The following MARK1 variants were observed in gnomAD, a reference collection of about 807,000 sequenced individuals.
The protein encoded by MARK1 is serine/threonine-protein kinase MARK1.
A neutral mutation model predicts 96.3 loss-of-function variants in MARK1; 40 were observed. The ratio of observed to expected loss-of-function variants is 0.42; its 90% CI spans 0.32 to 0.54. MARK1 has a LOEUF of 0.54. MARK1 is among the 20% of genes least tolerant of loss of function. MARK1 has a pLI of 0.16. For synonymous variants in MARK1, 317 were observed against 341.2 expected, an observed-to-expected ratio of 0.93 and a Z score of 0.78; for missense variants, 719 against 984.6, an observed-to-expected ratio of 0.73 and a Z score of 3.61.
At chr1:220,613,747 A>C (rs1458719475) in intron 6 of MARK1, among the ~76,000 whole-genome samples, 1 of 152,138 alleles carries the variant, frequency 6.6e-6, no homozygotes. Flanking sequence ...TAATACTACA[A>C]ATTTTCATCA....
intron 1 of MARK1, among the ~76,000 whole-genome samples, chr1:220,566,328 A>G (rs186835112): frequency 3.2e-4 from 48 of 152,328 alleles, no homozygotes; most frequent in Admixed American, 2.6e-4. Context: ...CATTTAAGGC[A>G]TAAACCTATG....
At chr1:220,627,637 T>C in intron 9 of MARK1, 1 of 188,444 alleles carries the variant, frequency 5.3e-6, no homozygotes, top group Non-Finnish European at 1.1e-5. Flanking sequence ...TTCTAGGAGC[T>C]GCCTTGCCAC....
intron 1 of MARK1, among the ~76,000 whole-genome samples, chr1:220,570,981 T>A (rs1663412343): frequency 6.6e-6 from 1 of 152,202 alleles, no homozygotes; most frequent in South Asian, 2.1e-4. Flanking sequence ...ACTCATATTT[T>A]TGTGTTTTAT....
intron 3 of MARK1, among the ~76,000 whole-genome samples, chr1:220,584,995 T>A (rs1664501770): frequency 6.6e-6 from 1 of 152,196 alleles, no homozygotes. Flanking sequence ...ATTTGGCCAG[T>A]TCTTACGTGG....
chr1:220,659,854 G>A (rs775243068), intron 17 of MARK1, among the ~76,000 whole-genome samples: 8 of 151,928 alleles, frequency 5.3e-5, no homozygotes, highest in African/African-American at 9.7e-5. Flanking sequence ...GCAGTGGCAC[G>A]ATCTCAGCTC....
At chr1:220,609,807 C>T (rs572279905) in intron 6 of MARK1, among the ~76,000 whole-genome samples, 2 of 152,230 alleles carry the variant, frequency 1.3e-5, no homozygotes, top group South Asian at 4.1e-4. Flanking sequence ...TTCTCCTTCA[C>T]TTATGAAGCT....
chr1:220,563,930 T>C (rs1455630817), intron 1 of MARK1, among the ~76,000 whole-genome samples: 1 of 152,226 alleles, frequency 6.6e-6, no homozygotes, highest in African/African-American at 2.4e-5. Context: ...TAATCCAGTT[T>C]ATATAGAGAG....
chr1:220,616,989 C>CT (rs2102966050), intron 7 of MARK1, among the ~76,000 whole-genome samples: 1 of 152,310 alleles, frequency 6.6e-6, no homozygotes, highest in East Asian at 1.9e-4. Context: ...CTCAGAACCC[C>CT]TTGCAGCTCT....
At chr1:220,537,334 C>T (rs951073243) in intron 1 of MARK1, among the ~76,000 whole-genome samples, 36 of 147,152 alleles carry the variant, frequency 2.4e-4, no homozygotes, top group East Asian at 1.0e-3. Context: ...TGAGAACATG[C>T]GGTGTTTGGT....
At chr1:220,619,645 A>T (rs1282893159) in intron 9 of MARK1, among the ~76,000 whole-genome samples, 1 of 152,226 alleles carries the variant, frequency 6.6e-6, no homozygotes, top group African/African-American at 2.4e-5. Flanking sequence ...AGACACTATT[A>T]TAAATGGACT....
At chr1:220,621,323 T>C (rs949660954) in intron 9 of MARK1, among the ~76,000 whole-genome samples, 2 of 152,120 alleles carry the variant, frequency 1.3e-5, no homozygotes, top group African/African-American at 4.8e-5. Flanking sequence ...CCCTTTGGGA[T>C]ATATGTTTAG....
intron 1 of MARK1, among the ~76,000 whole-genome samples, chr1:220,569,693 A>T (rs1216412436): frequency 6.6e-6 from 1 of 152,142 alleles, no homozygotes; most frequent in East Asian, 1.9e-4. Flanking sequence ...TAAATTTCAC[A>T]CTAACATATC....
At chr1:220,642,862 C>T (rs1012628142) in intron 13 of MARK1, among the ~76,000 whole-genome samples, 9 of 152,102 alleles carry the variant, frequency 5.9e-5, no homozygotes, top group African/African-American at 2.2e-4. Context: ...AGCAGACCTG[C>T]GGAAGAGGGG....
At chr1:220,594,407 T>C (rs1194343654) in intron 3 of MARK1, among the ~76,000 whole-genome samples, 1 of 152,168 alleles carries the variant, frequency 6.6e-6, no homozygotes, top group Non-Finnish European at 1.5e-5. Flanking sequence ...ACAGGAACTC[T>C]CATTTGTTGC....
chr1:220,664,216 G>A lies in MARK1; in HGVS notation c.*2050G>A, dbSNP rs959174226. 3.9e-5 allele frequency: 6 copies of A among 152,048 alleles called. No homozygotes were observed. The highest frequency in any genetic ancestry group is 1.4e-4 in the African/African-American group (6 of 41,402). The allele number at this position is 152,048 out of a possible 1,614,324, so 9.4% of individuals were successfully genotyped here. A position where few individuals can be genotyped will look rare whatever the true frequency, so the allele number is the denominator to read the frequency against. On this transcript the variant is annotated 3_prime_UTR_variant, in exon 18 of 18. Coordinates refer to ENST00000366917, the MANE Select transcript of MARK1 (RefSeq NM_018650.5). ...GCCAACTCTTCTGTGTTTGTAGAAAGGAATTTGACTTCAATATCTTTTATG... is the reference window on the plus strand; with the variant it reads ...GCCAACTCTTCTGTGTTTGTAGAAAAGAATTTGACTTCAATATCTTTTATG...
At position 220,662,441 on chromosome 1, in the gene MARK1, T is replaced by C. The variant is rs993242544; in HGVS notation, c.*275T>C. On this transcript the variant is annotated 3_prime_UTR_variant, in exon 18 of 18. Coordinates refer to ENST00000366917, the MANE Select transcript of MARK1 (RefSeq NM_018650.5). The stretch of plus-strand genomic sequence containing the variant: ...GTTCATAGAGTTGTATAATAAAACA[T>C]GATTGCTTAAAAACTTGTATAGTTG... 1.0e-5 allele frequency: 3 copies of C among 300,654 alleles called. No homozygotes were observed. Among genetic ancestry groups the C allele is most frequent in the African/African-American group, 6.4e-5 (3 of 47,054 alleles). The allele number at this position is 300,654 out of a possible 1,614,324, so 18.6% of individuals were successfully genotyped here. A position where few individuals can be genotyped will look rare whatever the true frequency, so the allele number is the denominator to read the frequency against.
chr1:220,542,178 G>A (rs771237870), intron 1 of MARK1, among the ~76,000 whole-genome samples: 25 of 152,096 alleles, frequency 1.6e-4, no homozygotes, highest in Admixed American at 3.3e-4. Flanking sequence ...TCTTAAGCTT[G>A]TCTGCCTTTT....
At chr1:220,603,069 G>A (rs1407656096) in intron 5 of MARK1, among the ~76,000 whole-genome samples, 1 of 151,826 alleles carries the variant, frequency 6.6e-6, no homozygotes, top group African/African-American at 2.4e-5. Flanking sequence ...ACCAAAATTG[G>A]TCTGATTCTA....
chr1:220,612,104 A>G (rs1043092583), intron 6 of MARK1, among the ~76,000 whole-genome samples: 1 of 152,390 alleles, frequency 6.6e-6, no homozygotes, highest in East Asian at 1.9e-4. Flanking sequence ...GACCAGCAAG[A>G]AAGTTCCAAT....
Sources: gnomAD v4.1 joint callset for allele counts (sites outside exome capture counted in the v4.1 genomes callset) on GRCh38, gnomAD v4.1.1 for gene constraint, MANE v1.5 for transcripts, NCBI Gene and HGNC (gene_info 2026-07-23, HGNC 2026-07-21) for gene names.